The following SPG7 variants were observed in gnomAD, a reference collection of about 807,000 sequenced individuals.
SPG7 encodes the protein mitochondrial inner membrane m-AAA protease component paraplegin.
In SPG7, 103 loss-of-function variants were observed where a neutral mutation model predicts 81.9. The observed-to-expected ratio is 1.26, with a 90% CI of 1.07 to 1.48. SPG7 has a LOEUF of 1.48. Among genes scored for constraint, SPG7 ranks in the 40% most tolerant of loss-of-function variants. The pLI is 0.00. For missense variants in SPG7, 1,241 were observed against 1,087.3 expected (o/e 1.14, Z -1.99); for synonymous variants, 534 against 444.2 (o/e 1.20, Z -2.54).
intron 8 of SPG7, 148 bp from the exon 9 acceptor site, chr16:89,532,315 C>G: frequency 9.3e-7 from 1 of 1,080,712 alleles, no homozygotes; most frequent in Non-Finnish European, 1.4e-6. Context: ...CAGGGGCCCC[C>G]GCGAGCAGCT....
intron 14 of SPG7, chr16:89,553,564 C>T: frequency 3.5e-6 from 2 of 575,754 alleles, no homozygotes; most frequent in East Asian, 5.9e-5. Context: ...CTCCAGTATG[C>T]CCCCGGGTTC....
chr16:89,529,963 C>T, intron 6 of SPG7: 2 of 324,852 alleles, frequency 6.2e-6, no homozygotes, highest in Admixed American at 8.6e-5. Flanking sequence ...CCTCAGCTTC[C>T]CGAGTAGCTG....
intron 9 of SPG7, among the ~76,000 whole-genome samples, chr16:89,534,628 A>G (rs1253518048): frequency 6.6e-6 from 1 of 152,220 alleles, no homozygotes; most frequent in Non-Finnish European, 1.5e-5. Flanking sequence ...GTTAGCACAC[A>G]TGCACAGCCC....
chr16:89,547,544 C>G (rs929458948), intron 11 of SPG7: 2 of 222,970 alleles, frequency 9.0e-6, no homozygotes, highest in African/African-American at 4.7e-5. Context: ...CCCCGTGCCT[C>G]TCTCCCAGAC....
At chr16:89,549,839 G>T (rs1362597795) in intron 12 of SPG7, 4 of 166,752 alleles carry the variant, frequency 2.4e-5, no homozygotes, top group African/African-American at 9.6e-5. Context: ...TCCTGCCAGG[G>T]AGAAAGTCAA....
chr16:89,512,929 C>T lies in SPG7; in HGVS notation c.287-19C>T. On this transcript the variant is annotated intron_variant, in intron 2 of 16. Transcript: ENST00000645818. ...GGTTGCAAAACTTAATTGTTAAATC[C>T]TTTCTCTATTTCTCATAGGTGGTAC... 2 of 1,611,618 alleles carry T rather than the reference C, an allele frequency of 1.2e-6. No individual in the cohort carries two copies. Among genetic ancestry groups the T allele is most frequent in the East Asian group, 2.2e-5 (1 of 44,794 alleles).
At chr16:89,553,996 C>T (rs1272979579) in intron 15 of SPG7, 36 bp downstream of exon 15, 2 of 1,605,332 alleles carry the variant, frequency 1.2e-6, no homozygotes, top group Non-Finnish European at 1.7e-6. Context: ...GCCCTCTGTG[C>T]TCCCCGGGGA....
chr16:89,510,109 A>C (rs2057993697), intron 1 of SPG7, among the ~76,000 whole-genome samples: 1 of 151,616 alleles, frequency 6.6e-6, no homozygotes, highest in Non-Finnish European at 1.5e-5. Flanking sequence ...TGAGTAGCTG[A>C]GATTACAGGT....
intron 9 of SPG7, chr16:89,533,598 C>T (rs959524645): frequency 2.0e-5 from 3 of 152,252 alleles, no homozygotes; most frequent in African/African-American, 7.2e-5. Context: ...GCTGCCACGT[C>T]TCTCCCTGTG....
At chr16:89,527,817 C>T (rs944630720) in intron 5 of SPG7, among the ~76,000 whole-genome samples, 6 of 152,094 alleles carry the variant, frequency 3.9e-5, no homozygotes, top group Admixed American at 6.6e-5. Flanking sequence ...TACCTCTAGC[C>T]GGGTGCAGTG....
At chr16:89,515,777 G>T (rs556701978) in intron 3 of SPG7, among the ~76,000 whole-genome samples, 1 of 149,838 alleles carries the variant, frequency 6.7e-6, no homozygotes, top group Non-Finnish European at 1.5e-5. Context: ...GCACGATCTC[G>T]GCTCACTGCA....
intron 10 of SPG7, 124 bp downstream of exon 10, chr16:89,544,896 C>G: frequency 1.6e-6 from 2 of 1,238,628 alleles, no homozygotes; most frequent in Non-Finnish European, 2.3e-6. Context: ...CAGGTGCTGG[C>G]AGTGTCCAGC....
chr16:89,517,589 C>T (rs2058118041), intron 3 of SPG7: 1 of 151,210 alleles, frequency 6.6e-6, no homozygotes, highest in African/African-American at 2.4e-5. Flanking sequence ...ATGCGTGTCT[C>T]TCCTGCATCT....
intron 9 of SPG7, among the ~76,000 whole-genome samples, chr16:89,536,492 GAGGCAGGTGAGGTGAGGCGGGTGAGGTC>G (rs2058421245): frequency 1.8e-5 from 1 of 55,856 alleles, no homozygotes; most frequent in Non-Finnish European, 4.1e-5. Context: ...GAGGTCAGGT[GAGGCAGGTGAGGTGAGGCGGGTGAGGTC>G]AGGTGAGGCG....
rs2058571055 is a variant in SPG7 at position 89,546,860 on chromosome 16, G to C, written c.1552+100G>C. 3 of 804,844 alleles carry C rather than the reference G, an allele frequency of 3.7e-6. No homozygotes were observed. The South Asian group carries it at 4.1e-5, about 11-fold the overall frequency. The allele number at this position is 804,844 out of a possible 1,614,324, so 49.9% of individuals were successfully genotyped here. On this transcript the variant is annotated intron_variant, in intron 11 of 16. Transcript: ENST00000645818. ...AGGCCTCCTCTGTGGGGTGGGCGCT[G>C]CTCCTTCTCTGGGGGCCTCTGCTCA...
intron 9 of SPG7, 136 bp downstream of exon 9, chr16:89,532,772 G>GAAA (rs11403793): frequency 2.3e-4 from 186 of 812,822 alleles, no homozygotes; most frequent in East Asian, 3.3e-4. Context: ...TCTGTCTCAA[G>GAAA]AAAAAAAAAA....
At chr16:89,516,236 C>A (rs1056933945) in intron 3 of SPG7, among the ~76,000 whole-genome samples, 1 of 149,944 alleles carries the variant, frequency 6.7e-6, no homozygotes, top group African/African-American at 2.5e-5. Flanking sequence ...GATCCACTCG[C>A]CTTGGTCTCC....
Position 89,546,583 on chromosome 16 carries a change from C to A in SPG7, c.1450-75C>A, listed in dbSNP as rs1023859750. On this transcript the variant is annotated intron_variant, in intron 10 of 16. Transcript: ENST00000645818. Reference sequence around the variant, plus strand: ...CAGCTACTTGGGGACCCCCCCCCCCCACAGACAAACATGCCGCACCTGTGG... The same window carrying A: ...CAGCTACTTGGGGACCCCCCCCCCCAACAGACAAACATGCCGCACCTGTGG... 8.9e-4 allele frequency: 860 copies of A among 962,640 alleles called. 4 individuals carry two copies. The African/African-American group carries it at 0.011, about 13-fold the overall frequency. 59.6% of individuals were successfully genotyped at this position (962,640 alleles called of 1,614,324 possible). A position where few individuals can be genotyped will look rare whatever the true frequency, so the allele number is the denominator to read the frequency against.
intron 9 of SPG7, among the ~76,000 whole-genome samples, chr16:89,535,910 G>A (rs1251387843): frequency 1.5e-5 from 2 of 130,634 alleles, no homozygotes; most frequent in African/African-American, 5.6e-5. Flanking sequence ...GGCCTTCACT[G>A]TGGCCTCTCT....
Sources: gnomAD v4.1 joint callset for allele counts (sites outside exome capture counted in the v4.1 genomes callset) on GRCh38, gnomAD v4.1.1 for gene constraint, MANE v1.5 for transcripts, NCBI Gene and HGNC (gene_info 2026-07-23, HGNC 2026-07-21) for gene names.